Variants in RBFOX1 observed in about 807,000 individuals in gnomAD.
The protein encoded by RBFOX1 is RNA binding fox-1 homolog 1.
RBFOX1 carries 8 observed loss-of-function variants against 57.7 expected under a neutral mutation model. The ratio of observed to expected loss-of-function variants is 0.14; its 90% confidence interval spans 0.08 to 0.25. RBFOX1 has a LOEUF of 0.25. Ranked by LOEUF, RBFOX1 falls within the 10% of genes least tolerant of loss-of-function variation. The pLI is 1.00. For missense variants in RBFOX1, 611 were observed against 548.5 expected (o/e 1.11, Z -1.14); for synonymous variants, 326 against 222.4 (o/e 1.47, Z -4.15).
intron 1 of RBFOX1, among the ~76,000 whole-genome samples, chr16:5,422,210 G>A (rs56167241): frequency 0.43 from 63,852 of 149,912 alleles, 16,282 homozygotes; most frequent in East Asian, 0.66. Flanking sequence ...GGAGAAAGGT[G>A]GAGGAGAGAG....
intron 1 of RBFOX1, chr16:5,260,994 C>A (rs79646559): frequency 0.13 from 19,172 of 152,148 alleles, 1,543 homozygotes; most frequent in East Asian, 0.32. Flanking sequence ...TCCTCTGGAG[C>A]GGTCGATTGG....
At chr16:7,697,877 T>A (rs888782196) in intron 14 of RBFOX1, among the ~76,000 whole-genome samples, 4 of 152,202 alleles carry the variant, frequency 2.6e-5, no homozygotes, top group African/African-American at 9.6e-5. Context: ...CACTGTATGA[T>A]TCTTTAGCAG....
intron 1 of RBFOX1, among the ~76,000 whole-genome samples, chr16:6,112,457 A>T (rs540510904): frequency 5.9e-5 from 9 of 152,170 alleles, no homozygotes; most frequent in Non-Finnish European, 1.2e-4. Context: ...TTGGGAGGCC[A>T]AGATGGGCGG....
intron 3 of RBFOX1, among the ~76,000 whole-genome samples, chr16:5,847,492 A>G (rs2056787945): frequency 6.6e-6 from 1 of 152,210 alleles, no homozygotes; most frequent in Admixed American, 6.5e-5. Context: ...ATTTGCAAAG[A>G]AAAACGAGGT....
intron 2 of RBFOX1, among the ~76,000 whole-genome samples, chr16:6,342,482 T>C (rs2084714009): frequency 6.6e-6 from 1 of 152,050 alleles, no homozygotes; most frequent in African/African-American, 2.4e-5. Context: ...AGAAACAACC[T>C]TGATAAGGTT....
chr16:5,596,749 C>G (rs1210882307), intron 2 of RBFOX1, among the ~76,000 whole-genome samples: 1 of 152,196 alleles, frequency 6.6e-6, no homozygotes, highest in Non-Finnish European at 1.5e-5. Flanking sequence ...CATTCTCAGA[C>G]CAGTGGACAT....
chr16:6,301,177 C>A (rs2078779078), intron 1 of RBFOX1, among the ~76,000 whole-genome samples: 1 of 152,142 alleles, frequency 6.6e-6, no homozygotes, highest in African/African-American at 2.4e-5. Flanking sequence ...TAAATCTCTA[C>A]ATATTTCAAA....
At chr16:5,979,826 C>A (rs966899636) in intron 4 of RBFOX1, among the ~76,000 whole-genome samples, 1 of 152,184 alleles carries the variant, frequency 6.6e-6, no homozygotes, top group African/African-American at 2.4e-5. Flanking sequence ...CGTACCACTG[C>A]GCTCCAGCCT....
chr16:6,816,745 A>T (rs2090161605), intron 3 of RBFOX1, among the ~76,000 whole-genome samples: 1 of 151,572 alleles, frequency 6.6e-6, no homozygotes, highest in Non-Finnish European at 1.5e-5. Flanking sequence ...CTCAAAAAAA[A>T]AAAAAAAAGG....
At chr16:6,505,240 C>T (rs747031056) in intron 2 of RBFOX1, among the ~76,000 whole-genome samples, 1 of 152,118 alleles carries the variant, frequency 6.6e-6, no homozygotes, top group African/African-American at 2.4e-5. Flanking sequence ...GTAGTTGTCA[C>T]TTTCAGTATG....
chr16:5,991,764 C>T lies in RBFOX1; in HGVS notation c.351+124429C>T, dbSNP rs143263625. 6.6e-5 allele frequency among the ~76,000 whole-genome samples: 10 copies of T among 151,720 alleles called. No individual in the cohort carries two copies. The East Asian group carries it at 1.9e-3, about 30-fold the overall frequency. On this transcript the variant is annotated intron_variant, in intron 4 of 19. Coordinates refer to the RBFOX1 transcript ENST00000641259. ...AGACCCGGGAAAATCCCAGCCCTGC[C>T]AATAATCAACAATGTTGCCTGGGAT...
chr16:7,292,244 CAT>C (rs1491381344), intron 4 of RBFOX1, among the ~76,000 whole-genome samples: 190 of 89,552 alleles, frequency 2.1e-3, no homozygotes, highest in South Asian at 3.3e-3. Context: ...TATTATATAT[CAT>C]ATATATGATA....
chr16:6,842,632 G>GT (rs5815348), intron 3 of RBFOX1, among the ~76,000 whole-genome samples: 59,639 of 144,834 alleles, frequency 0.41, 13,409 homozygotes, highest in East Asian at 0.8. Context: ...CATTTAGACT[G>GT]TTTTTTTTAA....
At chr16:7,555,625 T>C (rs902016323) in intron 5 of RBFOX1, among the ~76,000 whole-genome samples, 3 of 152,180 alleles carry the variant, frequency 2.0e-5, no homozygotes, top group African/African-American at 7.2e-5. Flanking sequence ...TGACGTCATC[T>C]CCTTTTCTCT....
chr16:5,659,963 A>T (rs1055327270), intron 3 of RBFOX1, among the ~76,000 whole-genome samples: 1 of 152,212 alleles, frequency 6.6e-6, no homozygotes, highest in East Asian at 1.9e-4. Flanking sequence ...TCAATTGATA[A>T]ATCACAGGTT....
At chr16:5,771,977 G>C (rs1427039731) in intron 3 of RBFOX1, among the ~76,000 whole-genome samples, 1 of 152,106 alleles carries the variant, frequency 6.6e-6, no homozygotes, top group Non-Finnish European at 1.5e-5. Flanking sequence ...TTTGAGACCA[G>C]CCTGACCAAC....
intron 1 of RBFOX1, among the ~76,000 whole-genome samples, chr16:6,079,753 C>G (rs1437042244): frequency 6.6e-6 from 1 of 152,036 alleles, no homozygotes; most frequent in Admixed American, 6.6e-5. Flanking sequence ...GGAGGATGGC[C>G]TGGGCTGAGC....
intron 1 of RBFOX1, among the ~76,000 whole-genome samples, chr16:5,296,894 G>A (rs2063683278): frequency 6.6e-6 from 1 of 151,974 alleles, no homozygotes; most frequent in South Asian, 2.1e-4. Context: ...GGTCAGGCTG[G>A]TCTCGAACTC....
chr16:5,562,879 T>C, intron 2 of RBFOX1, among the ~76,000 whole-genome samples: 1 of 152,196 alleles, frequency 6.6e-6, no homozygotes, highest in Non-Finnish European at 1.5e-5. Flanking sequence ...TGATATTGGC[T>C]TCATACTGCC....
Sources: gnomAD v4.1 joint callset for allele counts (sites outside exome capture counted in the v4.1 genomes callset) on GRCh38, gnomAD v4.1.1 for gene constraint, MANE v1.5 for transcripts, NCBI Gene and HGNC (gene_info 2026-07-23, HGNC 2026-07-21) for gene names.